Variants in AP1B1 observed in about 807,000 individuals in gnomAD.
AP1B1 encodes the protein adaptor related protein complex 1 subunit beta 1.
A neutral mutation model predicts 104.3 loss-of-function variants in AP1B1; 36 were observed. The observed-to-expected ratio is 0.35, with a 90% CI of 0.26 to 0.46. The LOEUF (loss-of-function observed/expected upper bound fraction) is 0.46. Ranked by LOEUF, AP1B1 falls within the 20% of genes least tolerant of loss-of-function variation. The pLI is 1.00. For missense variants in AP1B1, 901 were observed against 1,247.9 expected (o/e 0.72, Z 4.19); for synonymous variants, 504 against 517.5 (o/e 0.97, Z 0.35).
rs766436474 is a variant in AP1B1 at position 29,341,542 on chromosome 22, G to T, written c.1755C>A (p.Gly585=). 2.5e-6 allele frequency: 4 copies of T among 1,613,946 alleles called. No individual in the cohort carries two copies. Among genetic ancestry groups the T allele is most frequent in the Non-Finnish European group, 1.7e-6 (2 of 1,179,970 alleles). The change falls in exon 13 of 23, where the codon GGC becomes GGA. Residue 585 remains glycine, a synonymous_variant. Coordinates refer to ENST00000357586, the MANE Select transcript of AP1B1 (RefSeq NM_001127.4). ...HKPPSAFVEG[G]RGVVHKSLPP... ...GCAGGCTCTTGTGCACGACGCCCCG[G>T]CCCCCCTCCACAAAGGCACTGGGAG... is the stretch of plus-strand genomic sequence containing the variant.
chr22:29,329,443 A>T, intron 22 of AP1B1: 1 of 1,362,818 alleles, frequency 7.3e-7, no homozygotes, highest in Non-Finnish European at 9.4e-7. Flanking sequence ...CTGGTTCTGC[A>T]GGGTGCAGTT....
At chr22:29,361,044 T>C (rs532199772) in intron 3 of AP1B1, among the ~76,000 whole-genome samples, 7 of 152,332 alleles carry the variant, frequency 4.6e-5, no homozygotes, top group African/African-American at 1.7e-4. Context: ...ACTCGCTCTT[T>C]GGGGCTTATC....
At chr22:29,360,548 A>C (rs1275463532) in intron 3 of AP1B1, among the ~76,000 whole-genome samples, 1 of 152,188 alleles carries the variant, frequency 6.6e-6, no homozygotes, top group Non-Finnish European at 1.5e-5. Flanking sequence ...CCCGGTAAGA[A>C]CCAGCACAGC....
intron 1 of AP1B1, among the ~76,000 whole-genome samples, chr22:29,383,045 A>C (rs1053270647): frequency 6.6e-6 from 1 of 152,160 alleles, no homozygotes; most frequent in Non-Finnish European, 1.5e-5. Context: ...TCTCCCATTA[A>C]AATGAAGTAA....
In AP1B1 at chr22:29,334,429, G is replaced by A. The variant is rs750069523; in HGVS notation, c.2164-19C>T. On this transcript the variant is annotated intron_variant, in intron 16 of 22. Coordinates refer to ENST00000357586, the MANE Select transcript of AP1B1 (RefSeq NM_001127.4). ...GCCAGACCTGCAGGGAAGAGGGTGC[G>A]GAGGGGGCGGGTAGGTGCCTCTTCC... is the stretch of plus-strand genomic sequence containing the variant. The A allele has an allele frequency of 1.6e-5, 26 of 1,590,564 alleles. No homozygotes were observed. The East Asian group carries it at 3.6e-4, about 22-fold the overall frequency.
intron 1 of AP1B1, among the ~76,000 whole-genome samples, chr22:29,382,730 C>A (rs5763184): frequency 0.35 from 53,593 of 151,818 alleles, 10,363 homozygotes; most frequent in East Asian, 0.67. Flanking sequence ...CAAAAGAGAT[C>A]GCCAGTGCAA....
chr22:29,346,801 G>GGA (rs907427310), intron 11 of AP1B1, among the ~76,000 whole-genome samples: 1 of 152,102 alleles, frequency 6.6e-6, no homozygotes, highest in African/African-American at 2.4e-5. Flanking sequence ...CAGTGGGGGG[G>GGA]GGTGACGGTG....
intron 1 of AP1B1, among the ~76,000 whole-genome samples, chr22:29,386,853 C>T (rs993879456): frequency 6.6e-6 from 1 of 152,168 alleles, no homozygotes; most frequent in Non-Finnish European, 1.5e-5. Context: ...TAGATTCATA[C>T]AGCCTAGTCC....
chr22:29,341,820 C>T (rs2061720055), intron 12 of AP1B1, 60 bp from the exon 13 acceptor site: 1 of 1,545,614 alleles, frequency 6.5e-7, no homozygotes, highest in African/African-American at 1.4e-5. Context: ...AGGGAGGAGA[C>T]CTTCCTGCAG....
At chr22:29,347,842 AAGCATCCTGCTCC>A (rs770318134) in intron 11 of AP1B1, among the ~76,000 whole-genome samples, 6 of 152,196 alleles carry the variant, frequency 3.9e-5, no homozygotes, top group African/African-American at 7.2e-5. Context: ...TCTTTTCTCT[AAGCATCCTGCTCC>A]TATGAATGTA....
intron 3 of AP1B1, among the ~76,000 whole-genome samples, chr22:29,362,000 G>C (rs1302307291): frequency 6.6e-6 from 1 of 152,094 alleles, no homozygotes; most frequent in Non-Finnish European, 1.5e-5. Flanking sequence ...CACCATGTTG[G>C]CCAGGCTGGT....
chr22:29,371,419 G>A (rs1351231388), intron 1 of AP1B1, among the ~76,000 whole-genome samples: 1 of 152,148 alleles, frequency 6.6e-6, no homozygotes, highest in Non-Finnish European at 1.5e-5. Flanking sequence ...AATCTGATCG[G>A]GTACACGAAT....
chr22:29,327,817 A>G lies in AP1B1; in HGVS notation c.*1004T>C, dbSNP rs2061501692. The G allele has an allele frequency of 6.6e-6, 1 of 152,200 alleles. No individual in the cohort carries two copies. The highest frequency in any genetic ancestry group is 6.5e-5 in the Admixed American group (1 of 15,270). The allele number at this position is 152,200 out of a possible 1,614,324, so 9.4% of individuals were successfully genotyped here. On this transcript the variant is annotated 3_prime_UTR_variant, in exon 23 of 23. Coordinates refer to ENST00000357586, the MANE Select transcript of AP1B1 (RefSeq NM_001127.4). Reference sequence around the variant, plus strand: ...CCCCAACCACTCGGAGGCAGCTTTCAATCCTGACATTCGGTGGAGGGGAAA... The same window carrying G: ...CCCCAACCACTCGGAGGCAGCTTTCGATCCTGACATTCGGTGGAGGGGAAA...
At chr22:29,347,282 T>C (rs1232212543) in intron 11 of AP1B1, among the ~76,000 whole-genome samples, 1 of 152,172 alleles carries the variant, frequency 6.6e-6, no homozygotes, top group Non-Finnish European at 1.5e-5. Context: ...TGAAACCAAT[T>C]TGGCCCAAAC....
chr22:29,349,166 T>A (rs946650324), intron 11 of AP1B1, 52 bp downstream of exon 11: 65 of 1,596,256 alleles, frequency 4.1e-5, no homozygotes, highest in Non-Finnish European at 5.5e-5. Flanking sequence ...TGGGCCACAG[T>A]GGGGCTGAGC....
intron 19 of AP1B1, 61 bp from the exon 20 acceptor site, chr22:29,330,770 T>C (rs1189799756): frequency 7.0e-7 from 1 of 1,437,676 alleles, no homozygotes; most frequent in Admixed American, 1.9e-5. Context: ...GGGCCCTCTG[T>C]AGCTCAGCAG....
At chr22:29,354,596 C>T in intron 7 of AP1B1, 54 bp downstream of exon 7, 1 of 1,543,830 alleles carries the variant, frequency 6.5e-7, no homozygotes, top group Non-Finnish European at 8.9e-7. Context: ...CCATTCCCAG[C>T]AGAAGAGGCT....
rs1374530904 is a variant in AP1B1 at position 29,328,761 on chromosome 22, C to T, written c.*60G>A. 4 of 1,559,788 alleles carry T rather than the reference C, an allele frequency of 2.6e-6. No individual in the cohort carries two copies. Among genetic ancestry groups the T allele is most frequent in the Middle Eastern group, 2.3e-4 (1 of 4,392 alleles). ...CTCCTGCGAGGAGGAAGATGTGCTG[C>T]CCCCGAGGGGCCTCCTCGATGGGGC... On this transcript the variant is annotated 3_prime_UTR_variant, in exon 23 of 23. Coordinates refer to ENST00000357586, the MANE Select transcript of AP1B1 (RefSeq NM_001127.4). The surrounding 1 kb of genome is among the most constrained non-coding windows in gnomAD (Gnocchi z 4.1).
chr22:29,329,016 G>A (rs1023883216), intron 22 of AP1B1, 121 bp from the exon 23 acceptor site: 304 of 1,487,794 alleles, frequency 2.0e-4, no homozygotes, highest in Middle Eastern at 1.2e-3. Flanking sequence ...ACAGCCTGGC[G>A]GCAGCTGCGC....
Sources: allele counts gnomAD v4.1 joint callset (sites outside exome capture counted in the v4.1 genomes callset), GRCh38; gene constraint gnomAD v4.1.1; non-coding constraint Gnocchi (gnomAD v3.1); transcripts MANE v1.5; gene names NCBI Gene and HGNC (gene_info 2026-07-23, HGNC 2026-07-21).